FMN1: variants seen among roughly 807,000 people sequenced by gnomAD.
FMN1 encodes the protein formin-1.
A neutral mutation model predicts 132.4 loss-of-function variants in FMN1; 110 were observed. The observed-to-expected ratio is 0.83, with a 90% CI of 0.71 to 0.97. The LOEUF (loss-of-function observed/expected upper bound fraction) is 0.97, where lower values mean the gene tolerates loss of function less well. FMN1 is among the 50% of genes least tolerant of loss of function. The probability of loss-of-function intolerance (pLI) is 0.00; values close to 1 mark genes in which losing one functional copy is unlikely to be tolerated. For missense variants in FMN1, 1,792 were observed against 1,705.3 expected (o/e 1.05, Z -0.90); for synonymous variants, 722 against 651.7 (o/e 1.11, Z -1.64).
chr15:32,796,426 C>T (rs565706629), intron 19 of FMN1, among the ~76,000 whole-genome samples: 2 of 152,258 alleles, frequency 1.3e-5, no homozygotes, highest in South Asian at 4.1e-4. Flanking sequence ...TATAATTACA[C>T]ATCATCAGGT....
chr15:32,956,913 A>G (rs756014576), intron 9 of FMN1, among the ~76,000 whole-genome samples: 4 of 152,140 alleles, frequency 2.6e-5, no homozygotes, highest in Non-Finnish European at 4.4e-5. Context: ...ACTGAGACAT[A>G]AAGTCTGGGA....
intron 3 of FMN1, among the ~76,000 whole-genome samples, chr15:33,166,578 C>G (rs1965117565): frequency 6.6e-6 from 1 of 152,110 alleles, no homozygotes; most frequent in African/African-American, 2.4e-5. Context: ...ATCAAATACT[C>G]AGAATCCTAC....
chr15:32,877,680 G>A (rs1596154638), intron 16 of FMN1, among the ~76,000 whole-genome samples: 1 of 152,150 alleles, frequency 6.6e-6, no homozygotes, highest in African/African-American at 2.4e-5. Context: ...CAAGCAGTGG[G>A]TGAGGAACCC....
chr15:33,106,095 G>A (rs2140100405), intron 4 of FMN1: 1 of 152,200 alleles, frequency 6.6e-6, no homozygotes, highest in East Asian at 1.9e-4. Flanking sequence ...ACCTGATCTG[G>A]AGTCGCTGGA....
At chr15:33,036,928 T>A (rs1363927159) in intron 6 of FMN1, among the ~76,000 whole-genome samples, 1 of 152,240 alleles carries the variant, frequency 6.6e-6, no homozygotes, top group African/African-American at 2.4e-5. Flanking sequence ...TTTTAAATTA[T>A]AAAAGCAATG....
intron 5 of FMN1, among the ~76,000 whole-genome samples, chr15:33,073,134 C>T (rs2038063483): frequency 6.6e-6 from 1 of 152,200 alleles, no homozygotes; most frequent in Admixed American, 6.5e-5. Flanking sequence ...GGCCCCCTTA[C>T]TCTTTGTAGC....
In FMN1 at chr15:32,768,700, A is replaced by C. The variant is rs995981005; in HGVS notation, c.*5610T>G. 1.3e-5 allele frequency: 2 copies of C among 152,200 alleles called. No individual in the cohort carries two copies. The highest frequency in any genetic ancestry group is 4.8e-5 in the African/African-American group (2 of 41,450). 9.4% of individuals were successfully genotyped at this position (152,200 alleles called of 1,614,324 possible). On this transcript the variant is annotated 3_prime_UTR_variant, in exon 21 of 21. Coordinates refer to ENST00000616417, the MANE Select transcript of FMN1 (RefSeq NM_001277313.2). ...GCCCAATGTCATCAAGTTTCACACA[A>C]AGCTTGGAAAAATAGCCCACAAGTG...
At chr15:33,048,759 G>A (rs1020754837) in intron 6 of FMN1, among the ~76,000 whole-genome samples, 2 of 151,996 alleles carry the variant, frequency 1.3e-5, no homozygotes, top group African/African-American at 4.8e-5. Flanking sequence ...CAGGCAAAGA[G>A]AGAGTTTGTG....
intron 6 of FMN1, among the ~76,000 whole-genome samples, chr15:33,009,211 C>T (rs2034576708): frequency 6.6e-6 from 1 of 152,110 alleles, no homozygotes; most frequent in South Asian, 2.1e-4. Context: ...TTGTCATTAT[C>T]CCCACCAGCA....
Position 33,154,801 on chromosome 15 carries a change from T to C in FMN1, c.114A>G (p.Val38=). The C allele has an allele frequency of 6.5e-7, 1 of 1,536,178 alleles. No homozygotes were observed. The highest frequency in any genetic ancestry group is 8.7e-7 in the Non-Finnish European group (1 of 1,146,912). Residue 38 remains valine, a synonymous_variant, in exon 4 of 21, where the codon GTA becomes GTG. Transcript: ENST00000616417. ...AACCTTTATTGGATCTGTCTAGAGT[T>C]ACAGTGCCCTTGTATGAAAATCCTC... The part of the protein sequence containing the change: ...EVRGFSYKGT[V]TLDRSNKGFH...
chr15:32,920,486 A>G (rs1187634984), intron 10 of FMN1, among the ~76,000 whole-genome samples: 1 of 152,178 alleles, frequency 6.6e-6, no homozygotes, highest in Non-Finnish European at 1.5e-5. Context: ...ACAAGACATC[A>G]AACACTATCT....
At chr15:32,988,049 GTTTTT>G (rs10573409) in intron 7 of FMN1, among the ~76,000 whole-genome samples, 103 of 118,168 alleles carry the variant, frequency 8.7e-4, no homozygotes, top group African/African-American at 2.8e-3. Context: ...TGTCTCTCCA[GTTTTT>G]TTTTTTTTTT....
intron 6 of FMN1, among the ~76,000 whole-genome samples, chr15:33,040,740 C>T (rs906102757): frequency 2.0e-5 from 3 of 152,204 alleles, no homozygotes; most frequent in African/African-American, 7.2e-5. Flanking sequence ...TGCTATGTAG[C>T]TCAACATACA....
At chr15:32,893,856 C>T (rs1265508053) in intron 15 of FMN1, among the ~76,000 whole-genome samples, 1 of 152,232 alleles carries the variant, frequency 6.6e-6, no homozygotes, top group Non-Finnish European at 1.5e-5. Flanking sequence ...CATATTTCAG[C>T]CTTCCCACAC....
Position 32,969,033 on chromosome 15 carries a change from G to C in FMN1, c.2668C>G (p.Pro890Ala), listed in dbSNP as rs1354620622. Residue 890 changes from proline to alanine, a missense_variant, in exon 8 of 21, where the codon CCC (proline) becomes GCC (alanine). Transcript: ENST00000616417. The part of the protein sequence containing the change: ...PLPSGLGSLS[P>A]APPMPPVSAG... ...CTCACAGGTGGCATTGGAGGTGCGG[G>C]AGACAAAGATCCAAGTCCTGAGGGG... is the stretch of plus-strand genomic sequence containing the variant. The C allele has an allele frequency of 8.4e-6, 12 of 1,435,820 alleles. No homozygotes were observed. Among genetic ancestry groups the C allele is most frequent in the Non-Finnish European group, 1.1e-5 (12 of 1,055,128 alleles). The allele number at this position is 1,435,820 out of a possible 1,614,324, so 88.9% of individuals were successfully genotyped here.
intron 4 of FMN1, among the ~76,000 whole-genome samples, chr15:33,137,542 T>C (rs1963824604): frequency 6.6e-6 from 1 of 152,348 alleles, no homozygotes; most frequent in East Asian, 1.9e-4. Flanking sequence ...GGATAATGTT[T>C]AATGATATCA....
chr15:32,846,471 A>T (rs1013291433), intron 17 of FMN1, among the ~76,000 whole-genome samples: 2 of 152,258 alleles, frequency 1.3e-5, no homozygotes, highest in East Asian at 1.9e-4. Flanking sequence ...AAAGTTCAAC[A>T]TCACTGATCA....
At chr15:32,938,710 G>C (rs758737896) in intron 9 of FMN1, among the ~76,000 whole-genome samples, 10 of 152,178 alleles carry the variant, frequency 6.6e-5, no homozygotes, top group Non-Finnish European at 1.5e-4. Flanking sequence ...ACCCTGCCAA[G>C]TATTTGAGAG....
At chr15:32,910,630 A>C in intron 10 of FMN1, 95 bp from the exon 11 acceptor site, 3 of 919,428 alleles carry the variant, frequency 3.3e-6, no homozygotes, top group Non-Finnish European at 5.2e-6. Context: ...CAATTAACAG[A>C]GTATTGCGTT....
Sources: gnomAD v4.1 joint callset for allele counts (sites outside exome capture counted in the v4.1 genomes callset) on GRCh38, gnomAD v4.1.1 for gene constraint, MANE v1.5 for transcripts, NCBI Gene and HGNC (gene_info 2026-07-23, HGNC 2026-07-21) for gene names.